Variants in TMPRSS15 observed in about 807,000 individuals in gnomAD.
TMPRSS15 encodes transmembrane serine protease 15.
A neutral mutation model predicts 125.3 loss-of-function variants in TMPRSS15; 128 were observed. The ratio of observed to expected loss-of-function variants is 1.02; its 90% CI spans 0.89 to 1.18. The LOEUF (loss-of-function observed/expected upper bound fraction) is 1.18, where lower values mean the gene tolerates loss of function less well. Among genes scored for constraint, TMPRSS15 ranks in the 50% most tolerant of loss-of-function variants. The probability of loss-of-function intolerance (pLI) is 0.00; values close to 1 mark genes in which losing one functional copy is unlikely to be tolerated. For synonymous variants in TMPRSS15, 446 were observed against 423.2 expected (o/e 1.05, Z -0.66); for missense variants, 1,283 against 1,212.7 (o/e 1.06, Z -0.86).
intron 3 of TMPRSS15, among the ~76,000 whole-genome samples, chr21:18,390,750 A>T (rs1475759171): frequency 6.6e-6 from 1 of 152,168 alleles, no homozygotes; most frequent in Non-Finnish European, 1.5e-5. Flanking sequence ...GAAAGGATGC[A>T]ATAATAAGGA....
In TMPRSS15 at chr21:18,269,681, AT is replaced by A. The variant is rs2074530664; in HGVS notation, c.*287del. ...ACATCCCTTTAAACAACAGTAAGTAATAAAAATAATCATTAAGAATTTTAAA... is the reference window on the plus strand; with the variant it reads ...ACATCCCTTTAAACAACAGTAAGTAAAAAAATAATCATTAAGAATTTTAAA... On this transcript the variant is annotated 3_prime_UTR_variant, in exon 25 of 25. Transcript: ENST00000284885. The A allele has an allele frequency of 3.0e-6, 1 of 338,540 alleles. No individual in the cohort carries two copies. The highest frequency in any genetic ancestry group is 3.0e-5 in the South Asian group (1 of 32,908). 21.0% of individuals were successfully genotyped at this position (338,540 alleles called of 1,614,324 possible).
At chr21:18,388,913 A>G (rs2075968108) in intron 3 of TMPRSS15, among the ~76,000 whole-genome samples, 1 of 152,120 alleles carries the variant, frequency 6.6e-6, no homozygotes, top group Non-Finnish European at 1.5e-5. Flanking sequence ...GACCAATGAA[A>G]GAGGCTAAGA....
chr21:18,439,965 G>A (rs2123230239), intron 1 of TMPRSS15, among the ~76,000 whole-genome samples: 1 of 152,274 alleles, frequency 6.6e-6, no homozygotes, highest in Admixed American at 6.5e-5. Flanking sequence ...AAGGTTGTGG[G>A]GTTGTTGTGG....
At chr21:18,396,414 G>A (rs1208609040) in intron 3 of TMPRSS15, among the ~76,000 whole-genome samples, 4 of 152,110 alleles carry the variant, frequency 2.6e-5, no homozygotes, top group African/African-American at 4.8e-5. Flanking sequence ...AAGCCTCGGT[G>A]TCGTAGTTAT....
chr21:18,374,479 CAAAAAAAA>C (rs1165884199), intron 5 of TMPRSS15, among the ~76,000 whole-genome samples: 2 of 59,910 alleles, frequency 3.3e-5, no homozygotes, highest in African/African-American at 7.6e-5. Context: ...GACTCCGTCT[CAAAAAAAA>C]AAAAAAAAAA....
At position 18,352,920 on chromosome 21, in the gene TMPRSS15, G is replaced by C. The variant is rs1255800265; in HGVS notation, c.1154C>G (p.Thr385Ser). Residue 385 changes from threonine to serine, a missense_variant, in exon 10 of 25, where the codon ACT becomes AGT. Coordinates refer to ENST00000284885, the MANE Select transcript of TMPRSS15 (RefSeq NM_002772.3). ...SPFTGPNFDH[T>S]FGNASGFYIS... is the part of the protein sequence containing the mutation. ...AATTATACCTGAAGCATTGCCAAAAGTGTGGTCAAAATTGGGTCCAGTAAA... is the reference window on the plus strand; with the variant it reads ...AATTATACCTGAAGCATTGCCAAAACTGTGGTCAAAATTGGGTCCAGTAAA... The C allele has an allele frequency of 6.2e-7, 1 of 1,612,274 alleles. No homozygotes were observed. The highest frequency in any genetic ancestry group is 8.5e-7 in the Non-Finnish European group (1 of 1,178,760).
chr21:18,308,903 G>A (rs1023870730), intron 18 of TMPRSS15, among the ~76,000 whole-genome samples: 6 of 152,118 alleles, frequency 3.9e-5, no homozygotes, highest in Non-Finnish European at 7.3e-5. Flanking sequence ...TCATCCATGT[G>A]CCTGCAAAGG....
chr21:18,466,358 A>G (rs529619139), intron 1 of TMPRSS15, among the ~76,000 whole-genome samples: 3 of 152,262 alleles, frequency 2.0e-5, no homozygotes, highest in East Asian at 3.9e-4. Context: ...ATGGGCAAAC[A>G]CTTCATGACT....
chr21:18,434,683 T>C (rs1282811347), intron 1 of TMPRSS15, among the ~76,000 whole-genome samples: 1 of 152,064 alleles, frequency 6.6e-6, no homozygotes, highest in Non-Finnish European at 1.5e-5. Flanking sequence ...TTCTTCTGAA[T>C]AGGAGGTATA....
At chr21:18,452,110 G>A (rs1978348791) in intron 1 of TMPRSS15, among the ~76,000 whole-genome samples, 1 of 152,000 alleles carries the variant, frequency 6.6e-6, no homozygotes, top group South Asian at 2.1e-4. Flanking sequence ...TGTGTTCTTG[G>A]GGAGATATTA....
intron 21 of TMPRSS15, among the ~76,000 whole-genome samples, chr21:18,282,743 C>A (rs949261420): frequency 5.9e-5 from 9 of 152,120 alleles, no homozygotes; most frequent in Non-Finnish European, 2.9e-5. Flanking sequence ...CATAATTTTA[C>A]AATGGGAACA....
chr21:18,387,314 A>C lies in TMPRSS15; in HGVS notation c.345-3536T>G, dbSNP rs187563532. Among the ~76,000 whole-genome samples, 18 of 152,312 alleles carry C rather than the reference A, an allele frequency of 1.2e-4. No homozygotes were observed. In the East Asian group the frequency reaches 1.5e-3, roughly 13 times the overall value. ...GCAGAGAAATCCTACTATGGTACAG[A>C]AAGCTTGAGTATAATAGAGCAAAAT... On this transcript the variant is annotated intron_variant, in intron 3 of 24. Coordinates refer to ENST00000284885, the MANE Select transcript of TMPRSS15 (RefSeq NM_002772.3).
At chr21:18,412,203 G>T (rs894715949) in intron 1 of TMPRSS15, among the ~76,000 whole-genome samples, 1 of 152,100 alleles carries the variant, frequency 6.6e-6, no homozygotes, top group Non-Finnish European at 1.5e-5. Flanking sequence ...TAATCCCAGT[G>T]CCCAGAGGTC....
chr21:18,281,969 C>T (rs1255961966), intron 21 of TMPRSS15, among the ~76,000 whole-genome samples: 2 of 151,466 alleles, frequency 1.3e-5, no homozygotes, highest in Non-Finnish European at 2.9e-5. Flanking sequence ...TGGTGGTGGG[C>T]GCCTGTAGTC....
intron 1 of TMPRSS15, among the ~76,000 whole-genome samples, chr21:18,447,444 A>AAAT (rs1206570278): frequency 5.4e-5 from 8 of 149,018 alleles, no homozygotes; most frequent in Non-Finnish European, 1.1e-4. Context: ...CAACTCAAAA[A>AAAT]AAAAAAAAAA....
At chr21:18,356,565 G>A (rs901532409) in intron 8 of TMPRSS15, among the ~76,000 whole-genome samples, 1 of 151,666 alleles carries the variant, frequency 6.6e-6, no homozygotes, top group Non-Finnish European at 1.5e-5. Context: ...CTTTAATTTT[G>A]CCAGGCACTA....
chr21:18,423,989 C>T (rs188695066), intron 1 of TMPRSS15, among the ~76,000 whole-genome samples: 46 of 151,884 alleles, frequency 3.0e-4, no homozygotes, highest in Non-Finnish European at 6.0e-4. Flanking sequence ...ATAAAGGAGA[C>T]ATTCAAGAGT....
At chr21:18,449,312 G>A (rs2076262463) in intron 1 of TMPRSS15, among the ~76,000 whole-genome samples, 1 of 152,064 alleles carries the variant, frequency 6.6e-6, no homozygotes, top group South Asian at 2.1e-4. Flanking sequence ...GTGAGATGGT[G>A]ATCTTAAGTT....
In TMPRSS15 at chr21:18,269,848, T is replaced by C. The variant is rs1372590193; in HGVS notation, c.*121A>G. 7 of 1,243,740 alleles carry C rather than the reference T, an allele frequency of 5.6e-6. No homozygotes were observed. In the Admixed American group the frequency reaches 1.1e-4, roughly 19 times the overall value. The allele number at this position is 1,243,740 out of a possible 1,614,324, so 77.0% of individuals were successfully genotyped here. On this transcript the variant is annotated 3_prime_UTR_variant, in exon 25 of 25. Coordinates refer to ENST00000284885, the MANE Select transcript of TMPRSS15 (RefSeq NM_002772.3). ...CTGGCCCCCTAGCATTTCATTGACA[T>C]AGGTAAGAATAAAAACCTTTGGTAA...
Sources: allele counts gnomAD v4.1 joint callset (sites outside exome capture counted in the v4.1 genomes callset), GRCh38; gene constraint gnomAD v4.1.1; transcripts MANE v1.5; gene names NCBI Gene and HGNC (gene_info 2026-07-23, HGNC 2026-07-21).